SRFBP1: variants seen among roughly 807,000 people sequenced by gnomAD.
SRFBP1 encodes serum response factor-binding protein 1.
SRFBP1 carries 47 observed loss-of-function variants against 45.5 expected under a neutral mutation model. The ratio of observed to expected loss-of-function variants is 1.03; its 90% CI spans 0.82 to 1.32. The LOEUF (loss-of-function observed/expected upper bound fraction) is 1.32. SRFBP1 is among the 40% of genes most tolerant of loss of function. The pLI is 0.00. For missense variants in SRFBP1, 621 were observed against 484.6 expected (o/e 1.28, Z -2.64); for synonymous variants, 203 against 166.3 (o/e 1.22, Z -1.70).
chr5:122,066,208 A>G (rs1427587552), intron 2 of SRFBP1: 1 of 152,220 alleles, frequency 6.6e-6, no homozygotes, highest in Admixed American at 6.6e-5. Context: ...TCTGCTATAT[A>G]GTAATATTTC....
intron 3 of SRFBP1, among the ~76,000 whole-genome samples, chr5:121,991,048 A>AT (rs1752611973): frequency 1.3e-5 from 2 of 152,112 alleles, no homozygotes; most frequent in South Asian, 4.1e-4. Context: ...GAGTTGATGT[A>AT]TTGTCAGGTA....
At chr5:122,015,146 G>A (rs528121696) in intron 4 of SRFBP1, among the ~76,000 whole-genome samples, 30 of 152,154 alleles carry the variant, frequency 2.0e-4, no homozygotes, top group African/African-American at 7.2e-4. Context: ...AGTTTCTTGG[G>A]GAATACACTT....
At chr5:122,029,132 G>A (rs555859849), downstream of SRFBP1, among the ~76,000 whole-genome samples, 2 of 152,226 alleles carry the variant, frequency 1.3e-5, no homozygotes, top group African/African-American at 2.4e-5. Flanking sequence ...TCAAGGGTTG[G>A]GGGTGGGAGG....
Position 122,038,568 on chromosome 5 carries a change from A to G in SRFBP1, n.311+16161A>G, listed in dbSNP as rs144673612. On this transcript the variant is annotated intron_variant and non_coding_transcript_variant, in intron 2 of 2. Coordinates refer to the SRFBP1 transcript ENST00000504881. ...TCACTGCTTCCAGTCCCAAGTGATA[A>G]GAGATTGTGTACAAAGATCCACTGA... 8.6e-3 allele frequency among the ~76,000 whole-genome samples: 1,313 copies of G among 152,340 alleles called. 10 individuals are homozygous for G. The highest frequency in any genetic ancestry group is 0.015 in the Non-Finnish European group (999 of 68,024).
intron 2 of SRFBP1, among the ~76,000 whole-genome samples, chr5:122,068,139 C>A (rs990272663): frequency 2.1e-5 from 3 of 143,156 alleles, no homozygotes; most frequent in African/African-American, 7.9e-5. Context: ...CAGCTTCAAC[C>A]ACTCTTGAAG....
In SRFBP1 at chr5:121,994,596, C is replaced by T. The variant is rs1244524549; in HGVS notation, c.199-3C>T. 1 of 1,585,584 alleles carries T rather than the reference C, an allele frequency of 6.3e-7. No homozygotes were observed. Among genetic ancestry groups the T allele is most frequent in the African/African-American group, 1.4e-5 (1 of 73,500 alleles). ...AAAATTAATTTGTTTTATTCTTTCA[C>T]AGGAATTGAAACCTGACATAGTAAC... On this transcript the variant is annotated splice_region_variant and splice_polypyrimidine_tract_variant and intron_variant, in intron 3 of 7. Coordinates refer to ENST00000339397, the MANE Select transcript of SRFBP1 (RefSeq NM_152546.3).
chr5:122,073,652 C>A (rs1403772075), intron 2 of SRFBP1, among the ~76,000 whole-genome samples: 1 of 152,086 alleles, frequency 6.6e-6, no homozygotes, highest in African/African-American at 2.4e-5. Flanking sequence ...AATTTTTGTT[C>A]TTCATTGTGG....
chr5:121,962,541 T>G (rs1175770012), intron 1 of SRFBP1, among the ~76,000 whole-genome samples: 1 of 152,244 alleles, frequency 6.6e-6, no homozygotes, highest in Non-Finnish European at 1.5e-5. Flanking sequence ...TGCTCAGTAC[T>G]TCGTTTCCTC....
intron 4 of SRFBP1, 57 bp downstream of exon 4, chr5:121,994,727 A>G (rs1011657806): frequency 3.4e-6 from 4 of 1,175,272 alleles, no homozygotes; most frequent in East Asian, 2.6e-5. Context: ...TATATTGCTT[A>G]CTTTTTTCTT....
intron 4 of SRFBP1, among the ~76,000 whole-genome samples, chr5:122,001,942 A>ATTT (rs1752882148): frequency 6.6e-6 from 1 of 152,202 alleles, no homozygotes; most frequent in African/African-American, 2.4e-5. Context: ...TTTATTTCTA[A>ATTT]AAGAGAATTT....
chr5:122,076,502 G>A (rs1580566420), downstream of SRFBP1, among the ~76,000 whole-genome samples: 1 of 152,102 alleles, frequency 6.6e-6, no homozygotes, highest in East Asian at 1.9e-4. Context: ...TGGCAAATTT[G>A]CCCCGAATCT....
At chr5:121,991,790 T>A (rs1476455662) in intron 3 of SRFBP1, among the ~76,000 whole-genome samples, 2 of 152,160 alleles carry the variant, frequency 1.3e-5, no homozygotes, top group Non-Finnish European at 2.9e-5. Context: ...TTACATTTTA[T>A]ATGAACCATG....
chr5:121,999,147 T>C (rs970460050), intron 4 of SRFBP1, among the ~76,000 whole-genome samples: 4 of 152,198 alleles, frequency 2.6e-5, no homozygotes, highest in African/African-American at 9.6e-5. Flanking sequence ...GTACTTTAGC[T>C]GCATCTCATA....
chr5:122,078,580 A>ATT (rs1475460555), downstream of SRFBP1, among the ~76,000 whole-genome samples: 1 of 152,218 alleles, frequency 6.6e-6, no homozygotes, highest in African/African-American at 2.4e-5. Flanking sequence ...GGCGACGCCA[A>ATT]AATATGCACG....
intron 2 of SRFBP1, among the ~76,000 whole-genome samples, chr5:122,042,082 C>A (rs1478613596): frequency 6.6e-6 from 1 of 151,954 alleles, no homozygotes; most frequent in Non-Finnish European, 1.5e-5. Flanking sequence ...TTAAACATTT[C>A]TTGGAATAAC....
At chr5:122,048,473 C>T (rs1753904520) in intron 2 of SRFBP1, among the ~76,000 whole-genome samples, 1 of 152,114 alleles carries the variant, frequency 6.6e-6, no homozygotes, top group Non-Finnish European at 1.5e-5. Flanking sequence ...ATTTTTGCAT[C>T]AATGTTCATC....
chr5:122,040,521 ATTTGTGTTTATTTT>A (rs1384439533), intron 2 of SRFBP1, among the ~76,000 whole-genome samples: 3 of 152,112 alleles, frequency 2.0e-5, no homozygotes, highest in African/African-American at 7.2e-5. Flanking sequence ...GGAGGAGGGT[ATTTGTGTTTATTTT>A]TCAACGACTA....
downstream of SRFBP1, chr5:122,077,968 G>T (rs570529743): frequency 6.6e-5 from 97 of 1,464,576 alleles, 1 homozygote; most frequent in Admixed American, 2.0e-4. This position sits in a 1 kb window ranked among gnomAD's most constrained non-coding sequence, Gnocchi z 4.9. Flanking sequence ...GCAGGAGCAC[G>T]GTCCAGGCGA....
chr5:122,005,726 T>C (rs1752960358), intron 4 of SRFBP1, among the ~76,000 whole-genome samples: 1 of 152,146 alleles, frequency 6.6e-6, no homozygotes, highest in African/African-American at 2.4e-5. Flanking sequence ...AGCTCCTTTG[T>C]TCCTTTCTTT....
Sources: gnomAD v4.1 joint callset for allele counts (sites outside exome capture counted in the v4.1 genomes callset) on GRCh38, gnomAD v4.1.1 for gene constraint, Gnocchi (gnomAD v3.1) non-coding constraint, MANE v1.5 for transcripts, NCBI Gene and HGNC (gene_info 2026-07-23, HGNC 2026-07-21) for gene names.